ARHGEF16: variants seen among roughly 807,000 people sequenced by gnomAD.
ARHGEF16 encodes Rho guanine nucleotide exchange factor 16.
In ARHGEF16, 59 loss-of-function variants were observed where a neutral mutation model predicts 74.1. That is an observed-to-expected ratio of 0.80 (90% CI 0.65 to 0.99). The LOEUF is 0.99. Among genes scored for constraint, ARHGEF16 ranks in the 50% least tolerant of loss-of-function variants. The probability of loss-of-function intolerance (pLI) is 0.00; values close to 1 mark genes in which losing one functional copy is unlikely to be tolerated. For missense variants in ARHGEF16, 948 were observed against 986.6 expected (o/e 0.96, Z 0.52); for synonymous variants, 415 against 412.6 (o/e 1.01, Z -0.07).
In ARHGEF16 at chr1:3,476,069, G is replaced by A; in HGVS notation, c.1473+7G>A. ...GGACTTCAGCAAGGTCAAGGTAGGT[G>A]GCCCCGGACATCAGGGCCACTCGGA... On this transcript the variant is annotated splice_region_variant and intron_variant, in intron 10 of 14. Transcript: ENST00000378378. 1.3e-6 allele frequency: 2 copies of A among 1,549,796 alleles called. No individual in the cohort carries two copies. Among genetic ancestry groups the A allele is most frequent in the Middle Eastern group, 1.7e-4 (1 of 5,974 alleles).
intron 10 of ARHGEF16, 47 bp from the exon 11 acceptor site, chr1:3,477,828 C>T (rs1639931572): frequency 6.3e-7 from 1 of 1,599,370 alleles, no homozygotes; most frequent in Non-Finnish European, 8.5e-7. Flanking sequence ...GCTCTGTCCC[C>T]CCCAGTCCCT....
Position 3,463,141 on chromosome 1 carries a change from C to T in ARHGEF16, c.57C>T (p.Phe19=), listed in dbSNP as rs1639442741. 6.7e-7 allele frequency: 1 copy of T among 1,490,220 alleles called. No individual in the cohort carries two copies. The highest frequency in any genetic ancestry group is 9.0e-7 in the Non-Finnish European group (1 of 1,114,796). 92.3% of individuals were successfully genotyped at this position (1,490,220 alleles called of 1,614,324 possible). A position where few individuals can be genotyped will look rare whatever the true frequency, so the allele number is the denominator to read the frequency against. The change falls in exon 2 of 15, where the codon TTC becomes TTT. Residue 19 remains phenylalanine (F), a synonymous_variant. Transcript: ENST00000378378. ...AGGAGAAGCTCCTGGGACACCGCTT[C>T]CACTCGGAGCTCCGGCTCGATGCCG... ...SLEEKLLGHR[F]HSELRLDAGG...
chr1:3,459,330 C>T (rs1421089253), intron 1 of ARHGEF16, among the ~76,000 whole-genome samples: 2 of 152,226 alleles, frequency 1.3e-5, no homozygotes, highest in Non-Finnish European at 2.9e-5. Context: ...CATTGGGGCC[C>T]TTCCCCAGCA....
At chr1:3,476,849 G>A (rs1639891107) in intron 10 of ARHGEF16, among the ~76,000 whole-genome samples, 1 of 152,192 alleles carries the variant, frequency 6.6e-6, no homozygotes, top group South Asian at 2.1e-4. Flanking sequence ...GGGTGGGTCA[G>A]GGCGGGCTGC....
At chr1:3,458,234 C>A (rs1639309379) in intron 1 of ARHGEF16, among the ~76,000 whole-genome samples, 1 of 152,238 alleles carries the variant, frequency 6.6e-6, no homozygotes, top group Non-Finnish European at 1.5e-5. Flanking sequence ...GACAGGACAG[C>A]CAGCCAGCCA....
Position 3,467,210 on chromosome 1 carries a change from C to A in ARHGEF16, c.677C>A (p.Thr226Asn), listed in dbSNP as rs1639570945. The A allele has an allele frequency of 6.4e-7, 1 of 1,550,552 alleles. No homozygotes were observed. Among genetic ancestry groups the A allele is most frequent in the Non-Finnish European group, 8.7e-7 (1 of 1,146,892 alleles). ...YQEIQERGLN[T>N]SQESDDDILD... Reference sequence around the variant, plus strand: ...GAGATCCAGGAGCGGGGCCTGAACACCAGCCAGGAGTCTGATGACGACATC... The same window carrying A: ...GAGATCCAGGAGCGGGGCCTGAACAACAGCCAGGAGTCTGATGACGACATC... The change falls in exon 4 of 15, where the codon ACC becomes AAC. Residue 226 changes from threonine (T) to asparagine (N), a missense_variant. By Grantham distance (65) the Thr-to-Asn change is moderately conservative. Transcript: ENST00000378378.
intron 1 of ARHGEF16, among the ~76,000 whole-genome samples, chr1:3,461,387 G>A (rs1639389098): frequency 1.3e-5 from 2 of 152,216 alleles, no homozygotes; most frequent in Admixed American, 6.5e-5. Context: ...TTCAGGAGGT[G>A]GGCCTTGCTC....
intron 14 of ARHGEF16, 104 bp from the exon 15 acceptor site, chr1:3,480,344 T>G: frequency 6.6e-7 from 1 of 1,510,296 alleles, no homozygotes; most frequent in Admixed American, 1.9e-5. Context: ...GGTGGTCAGT[T>G]CTAGGAGAAG....
At chr1:3,479,750 T>C (rs887827284) in intron 13 of ARHGEF16, 62 bp from the exon 14 acceptor site, 2 of 1,579,384 alleles carry the variant, frequency 1.3e-6, no homozygotes, top group African/African-American at 1.3e-5. Context: ...CTGGAGGCCG[T>C]TGGGGAGTGG....
rs2100764746 is a variant in ARHGEF16 at position 3,480,452 on chromosome 1, G to T, written c.1995G>T (p.Trp665Cys). 6.2e-7 allele frequency: 1 copy of T among 1,612,486 alleles called. No individual in the cohort carries two copies. The highest frequency in any genetic ancestry group is 2.2e-5 in the East Asian group (1 of 44,880). ...CCCACCCCTATCCGGGTTCAGGGTG[G>T]CTCTATGGCGAGAGGCTCCGGGACG... Reference protein sequence around the residue: ...VVLVLQQEDGWLYGERLRDGE... With the variant: ...VVLVLQQEDGCLYGERLRDGE... Residue 665 changes from tryptophan (W) to cysteine (C), a missense_variant, in exon 15 of 15, where the codon TGG becomes TGT. Physicochemically the swap from Trp to Cys is radical, Grantham distance 215. Transcript: ENST00000378378.
chr1:3,472,730 C>A, intron 6 of ARHGEF16: 2 of 201,350 alleles, frequency 9.9e-6, no homozygotes, highest in Non-Finnish European at 2.0e-5. Flanking sequence ...AGGGCACCAA[C>A]TGGACAGGGC....
chr1:3,468,025 C>G (rs1639596025), intron 4 of ARHGEF16, among the ~76,000 whole-genome samples: 1 of 152,138 alleles, frequency 6.6e-6, no homozygotes, highest in Non-Finnish European at 1.5e-5. Flanking sequence ...CCCTGGGACC[C>G]CGGCCAGGGC....
intron 6 of ARHGEF16, among the ~76,000 whole-genome samples, chr1:3,472,358 T>C (rs528300792): frequency 4.8e-4 from 73 of 152,346 alleles, no homozygotes; most frequent in Admixed American, 4.8e-3. Flanking sequence ...TTCATCCTGA[T>C]CACCCTGGAC....
At chr1:3,465,974 C>T in intron 2 of ARHGEF16, 174 bp from the exon 3 acceptor site, 1 of 671,284 alleles carries the variant, frequency 1.5e-6, no homozygotes, top group African/African-American at 1.8e-5. Context: ...CTGAGCCCTC[C>T]TCCCACCTCT....
At chr1:3,476,089 C>G in intron 10 of ARHGEF16, 27 bp downstream of exon 10, 1 of 1,545,588 alleles carries the variant, frequency 6.5e-7, no homozygotes, top group Non-Finnish European at 8.7e-7. Context: ...ATCAGGGCCA[C>G]TCGGACCACT....
chr1:3,467,366 C>T, intron 4 of ARHGEF16, 29 bp downstream of exon 4: 2 of 1,535,756 alleles, frequency 1.3e-6, no homozygotes, highest in South Asian at 2.4e-5. Flanking sequence ...TGAGGCTGCC[C>T]CACAGAGGCA....
rs1174559753 is a variant in ARHGEF16, at chr1:3,466,179, G to C, written c.620G>C (p.Gly207Ala). 6.5e-7 allele frequency: 1 copy of C among 1,545,498 alleles called. No individual in the cohort carries two copies. The highest frequency in any genetic ancestry group is 2.0e-5 in the Admixed American group (1 of 49,636). Reference protein sequence around the residue: ...KTLGRKRGHKGSFKDDPQLYQ... With the variant: ...KTLGRKRGHKASFKDDPQLYQ... The stretch of plus-strand genomic sequence containing the variant: ...CTGGGGAGGAAACGTGGGCACAAGG[G>C]TTCCTTCAAGGACGGTGAGTGTGGC... The change falls in exon 3 of 15, where the codon GGT (glycine) becomes GCT (alanine). Residue 207 changes from glycine (G) to alanine (A), a missense_variant. Transcript: ENST00000378378.
rs1305522109 is a variant in ARHGEF16 at position 3,473,604 on chromosome 1, C to T, written c.1305+82C>T. Reference sequence around the variant, plus strand: ...GAGCCCTGCCCCGGATGGAGCATTACGTGCTTGTGACCTTCTCCTCCAGGC... The same window carrying T: ...GAGCCCTGCCCCGGATGGAGCATTATGTGCTTGTGACCTTCTCCTCCAGGC... On this transcript the variant is annotated intron_variant, in intron 8 of 14. Transcript: ENST00000378378. 17 of 1,582,014 alleles carry T rather than the reference C, an allele frequency of 1.1e-5. No individual in the cohort carries two copies. The African/African-American group carries it at 1.5e-4, about 14-fold the overall frequency.
intron 10 of ARHGEF16, among the ~76,000 whole-genome samples, chr1:3,476,397 A>C (rs950505368): frequency 6.6e-6 from 1 of 152,132 alleles, no homozygotes; most frequent in Non-Finnish European, 1.5e-5. Context: ...CTGTCAGTGC[A>C]CTTGCCTGGG....
Sources: gnomAD v4.1 joint callset for allele counts (sites outside exome capture counted in the v4.1 genomes callset) on GRCh38, gnomAD v4.1.1 for gene constraint, MANE v1.5 for transcripts, NCBI Gene and HGNC (gene_info 2026-07-23, HGNC 2026-07-21) for gene names.